The following HAND2 variants were observed in gnomAD, a reference collection of about 807,000 sequenced individuals.
The protein encoded by HAND2 is heart- and neural crest derivatives-expressed protein 2.
HAND2 carries 2 observed loss-of-function variants against 14.7 expected under a neutral mutation model. That is an observed-to-expected ratio of 0.14 (90% CI 0.06 to 0.43). The LOEUF (loss-of-function observed/expected upper bound fraction) is 0.43. Among genes scored for constraint, HAND2 ranks in the 20% least tolerant of loss-of-function variants. The pLI, the probability that HAND2 is intolerant of heterozygous loss-of-function variation, is 0.99. For missense variants in HAND2, 275 were observed against 313.6 expected (o/e 0.88, Z 0.93); for synonymous variants, 162 against 135.9 (o/e 1.19, Z -1.34).
At position 173,527,109 on chromosome 4, in the gene HAND2, AG is replaced by A. The variant is rs777442218; in HGVS notation, c.*167del. The A allele has an allele frequency of 1.4e-6, 1 of 703,192 alleles. No individual in the cohort carries two copies. Among genetic ancestry groups the A allele is most frequent in the South Asian group, 1.5e-5 (1 of 67,162 alleles). The allele number at this position is 703,192 out of a possible 1,614,324, so 43.6% of individuals were successfully genotyped here. A position where few individuals can be genotyped will look rare whatever the true frequency, so the allele number is the denominator to read the frequency against. ...GGGAGACGGGGAGCAGATGCCTCAAAGGGGGTCAAAGAGAGGGGAAGGAAAT... is the reference window on the plus strand; with the variant it reads ...GGGAGACGGGGAGCAGATGCCTCAAAGGGGTCAAAGAGAGGGGAAGGAAAT... On this transcript the variant is annotated 3_prime_UTR_variant, in exon 2 of 2. Coordinates refer to ENST00000359562, the MANE Select transcript of HAND2 (RefSeq NM_021973.3).
Position 173,529,116 on chromosome 4 carries a change from G to A in HAND2, c.174C>T (p.Tyr58=). The A allele has an allele frequency of 6.7e-7, 1 of 1,492,314 alleles. No homozygotes were observed. Among genetic ancestry groups the A allele is most frequent in the Non-Finnish European group, 8.8e-7 (1 of 1,130,444 alleles). 92.4% of individuals were successfully genotyped at this position (1,492,314 alleles called of 1,614,324 possible). The change falls in exon 1 of 2, where the codon TAC becomes TAT. Residue 58 remains tyrosine (Y), a synonymous_variant. Transcript: ENST00000359562. ...IGHPEMSPPD[Y]SMALSYSPEY... ...CGGGGCTGTAGGACAGGGCCATGCT[G>A]TAGTCGGGGGGCGACATCTCGGGGT... is the stretch of plus-strand genomic sequence containing the variant.
rs932408458 is a variant in HAND2, at chr4:173,529,028, C to T, written c.262G>A (p.Gly88Arg). ...SHYGGVPPGA[G>R]PPGLGGPRPV... ...CGCGGCCCCCCCAGGCCCGGGGGCC[C>T]GGCGCCCGGCGGCACCCCCCCGTAA... Residue 88 changes from glycine to arginine, a missense_variant, in exon 1 of 2, where the codon GGG becomes AGG. Transcript: ENST00000359562. 4.0e-6 allele frequency: 6 copies of T among 1,500,398 alleles called. No homozygotes were observed. The highest frequency in any genetic ancestry group is 5.4e-5 in the Admixed American group (2 of 37,186). The allele number at this position is 1,500,398 out of a possible 1,614,324, so 92.9% of individuals were successfully genotyped here. A position where few individuals can be genotyped will look rare whatever the true frequency, so the allele number is the denominator to read the frequency against.
At position 173,527,018 on chromosome 4, in the gene HAND2, G is replaced by C. The variant is rs564671273; in HGVS notation, c.*259C>G. ...GAGACGACGGGATCCCTTACCACAC[G>C]GGAGTGTCCTCTTCGTATTAAAATA... On this transcript the variant is annotated 3_prime_UTR_variant, in exon 2 of 2. Transcript: ENST00000359562. The C allele has an allele frequency of 1.6e-6, 1 of 641,752 alleles. No individual in the cohort carries two copies. The highest frequency in any genetic ancestry group is 1.8e-5 in the African/African-American group (1 of 56,082). 39.8% of individuals were successfully genotyped at this position (641,752 alleles called of 1,614,324 possible). A position where few individuals can be genotyped will look rare whatever the true frequency, so the allele number is the denominator to read the frequency against.
At position 173,526,752 on chromosome 4, in the gene HAND2, A is replaced by G. The variant is rs1169420801; in HGVS notation, c.*525T>C. ...ACATCTTCAAAGAGGGAACGACCACAGATGAATGGATAGCACTAGATACCG... is the reference window on the plus strand; with the variant it reads ...ACATCTTCAAAGAGGGAACGACCACGGATGAATGGATAGCACTAGATACCG... On this transcript the variant is annotated 3_prime_UTR_variant, in exon 2 of 2. Transcript: ENST00000359562. 9.2e-6 allele frequency: 3 copies of G among 325,764 alleles called. No individual in the cohort carries two copies. Among genetic ancestry groups the G allele is most frequent in the Non-Finnish European group, 1.2e-5 (2 of 165,204 alleles). The allele number at this position is 325,764 out of a possible 1,614,324, so 20.2% of individuals were successfully genotyped here. A position where few individuals can be genotyped will look rare whatever the true frequency, so the allele number is the denominator to read the frequency against.
rs2110902419 is a variant in HAND2, at chr4:173,527,146, TAAAC to T, written c.*127_*130del. On this transcript the variant is annotated 3_prime_UTR_variant, in exon 2 of 2. Transcript: ENST00000359562. The stretch of plus-strand genomic sequence containing the variant: ...AGAGGGGAAGGAAATTGCACATAAA[TAAAC>T]CGGATGATTCCAAATGCAAGGAGTC... The T allele has an allele frequency of 1.4e-6, 1 of 728,880 alleles. No individual in the cohort carries two copies. The highest frequency in any genetic ancestry group is 2.5e-6 in the Non-Finnish European group (1 of 402,252). The allele number at this position is 728,880 out of a possible 1,614,324, so 45.2% of individuals were successfully genotyped here.
At chr4:173,527,486 G>A (rs2051317309) in intron 1 of HAND2, 111 bp from the exon 2 acceptor site, 2 of 797,286 alleles carry the variant, frequency 2.5e-6, no homozygotes, top group Non-Finnish European at 4.5e-6. Context: ...GTGAACCAGA[G>A]AGGAAAGGAT....
In HAND2 at chr4:173,528,784, G is replaced by A. The variant is rs1235452646; in HGVS notation, c.506C>T (p.Ala169Val). 2 of 1,614,142 alleles carry A rather than the reference G, an allele frequency of 1.2e-6. No individual in the cohort carries two copies. The highest frequency in any genetic ancestry group is 2.2e-5 in the East Asian group (1 of 44,878). ...DQNGEAEAFK[A>V]EIKKTDVKEE... is the part of the protein sequence containing the mutation. ...TTTCACGTCGGTCTTCTTGATCTCT[G>A]CCTTGAAGGCCTCCGCCTCGCCATT... The change falls in exon 1 of 2, where the codon GCA (alanine) becomes GTA (valine). Residue 169 changes from alanine to valine, a missense_variant. Physicochemically the swap from Ala to Val is moderately conservative, Grantham distance 64. Transcript: ENST00000359562. The surrounding 1 kb of genome is among the most constrained non-coding windows in gnomAD (Gnocchi z 5.6).
intron 1 of HAND2, chr4:173,527,675 G>C (rs1731501255): frequency 2.5e-6 from 1 of 401,216 alleles, no homozygotes; most frequent in Non-Finnish European, 4.6e-6. Flanking sequence ...CAGATGTAGG[G>C]GCGGGAGCTG....
Position 173,528,987 on chromosome 4 carries a change from T to A in HAND2, c.303A>T (p.Arg101=). The part of the protein sequence containing the change: ...GLGGPRPVKR[R]GTANRKERRR... ...GCCGCTCCTTGCGGTTGGCGGTGCC[T>A]CGGCGCTTCACCGGGCGCGGCCCCC... Residue 101 remains arginine (R), a synonymous_variant, in exon 1 of 2, where the codon CGA becomes CGT. Transcript: ENST00000359562. The surrounding 1 kb of genome is among the most constrained non-coding windows in gnomAD (Gnocchi z 5.6). The A allele has an allele frequency of 1.9e-6, 3 of 1,611,886 alleles. No individual in the cohort carries two copies. The highest frequency in any genetic ancestry group is 2.5e-6 in the Non-Finnish European group (3 of 1,179,052).
Sources: allele counts gnomAD v4.1 joint callset, GRCh38; gene constraint gnomAD v4.1.1; non-coding constraint Gnocchi (gnomAD v3.1); transcripts MANE v1.5; gene names NCBI Gene and HGNC (gene_info 2026-07-23, HGNC 2026-07-21).